Variants in RALGAPB observed in about 807,000 individuals in gnomAD.
The protein encoded by RALGAPB is Ral GTPase activating protein non-catalytic subunit beta, also known as ral GTPase-activating protein subunit beta.
In RALGAPB, 25 loss-of-function variants were observed where a neutral mutation model predicts 161.1. The ratio of observed to expected loss-of-function variants is 0.16; its 90% confidence interval spans 0.11 to 0.22. The LOEUF (loss-of-function observed/expected upper bound fraction) is 0.22. Among genes scored for constraint, RALGAPB ranks in the 10% least tolerant of loss-of-function variants. The probability of loss-of-function intolerance (pLI) is 1.00; values close to 1 mark genes in which losing one functional copy is unlikely to be tolerated. For missense variants in RALGAPB, 1,391 were observed against 1,815.2 expected, an observed-to-expected ratio of 0.77 and a Z score of 4.25; for synonymous variants, 629 against 626.1, an observed-to-expected ratio of 1.00 and a Z score of -0.07.
intron 1 of RALGAPB, among the ~76,000 whole-genome samples, chr20:38,475,914 G>A (rs1187249298): frequency 2.6e-5 from 4 of 152,138 alleles, no homozygotes; most frequent in Non-Finnish European, 5.9e-5. Flanking sequence ...ACCGTCCCCA[G>A]CCCATAAAAT....
intron 16 of RALGAPB, among the ~76,000 whole-genome samples, chr20:38,535,749 T>C (rs1009672375): frequency 6.6e-6 from 1 of 152,182 alleles, no homozygotes; most frequent in African/African-American, 2.4e-5. Flanking sequence ...CACAGCCAGC[T>C]AATTTTTGTG....
intron 5 of RALGAPB, among the ~76,000 whole-genome samples, chr20:38,504,731 A>G (rs1448265103): frequency 6.6e-6 from 1 of 152,240 alleles, no homozygotes; most frequent in Non-Finnish European, 1.5e-5. Context: ...GCAATTGAAC[A>G]AGCAAAAAAC....
intron 28 of RALGAPB, among the ~76,000 whole-genome samples, chr20:38,571,159 A>G (rs1440119826): frequency 6.6e-6 from 1 of 152,150 alleles, no homozygotes. Context: ...ATTCCTGAAC[A>G]CTTCTACCAT....
intron 2 of RALGAPB, among the ~76,000 whole-genome samples, chr20:38,490,564 T>C (rs1274917327): frequency 6.6e-6 from 1 of 150,880 alleles, no homozygotes; most frequent in East Asian, 2.0e-4. Context: ...TGGAGTGCAA[T>C]GTCGCAATCT....
At chr20:38,547,079 T>C (rs2087191545) in intron 19 of RALGAPB, 1 of 152,430 alleles carries the variant, frequency 6.6e-6, no homozygotes, top group African/African-American at 2.4e-5. Flanking sequence ...AGTATTCATC[T>C]TCAACCACAA....
chr20:38,481,460 G>A (rs1344278025), intron 1 of RALGAPB, among the ~76,000 whole-genome samples: 6 of 152,148 alleles, frequency 3.9e-5, no homozygotes, highest in South Asian at 2.1e-4. Context: ...TGTGGATGAC[G>A]GCAGGCCAAG....
chr20:38,566,331 A>G (rs919327407), intron 25 of RALGAPB, among the ~76,000 whole-genome samples: 2 of 152,162 alleles, frequency 1.3e-5, no homozygotes, highest in African/African-American at 4.8e-5. Context: ...CTTCCCGTCA[A>G]GGTTCTGGTT....
chr20:38,499,256 T>A (rs1325048301), intron 4 of RALGAPB, among the ~76,000 whole-genome samples, 191 bp from the exon 5 acceptor site: 1 of 152,216 alleles, frequency 6.6e-6, no homozygotes. Flanking sequence ...AATTTTTTGA[T>A]GTGTCTGTGA....
rs560314817 is a variant in RALGAPB at position 38,575,139 on chromosome 20, A to C, written c.*172A>C. On this transcript the variant is annotated 3_prime_UTR_variant, in exon 30 of 30. Coordinates refer to ENST00000262879, the MANE Select transcript of RALGAPB (RefSeq NM_020336.4). The stretch of plus-strand genomic sequence containing the variant: ...CCCATTTGATAGAAGACTTTGGGCT[A>C]TCTAGTGAAATGGGCTCCCAGACAC... 38 of 599,470 alleles carry C rather than the reference A, an allele frequency of 6.3e-5. 1 individual carries two copies. The South Asian group carries it at 6.5e-4, about 10-fold the overall frequency. 37.1% of individuals were successfully genotyped at this position (599,470 alleles called of 1,614,324 possible).
At chr20:38,573,567 C>A (rs73905646) in intron 28 of RALGAPB, 3 of 152,110 alleles carry the variant, frequency 2.0e-5, no homozygotes, top group Admixed American at 6.5e-5. Context: ...TGCCACAGTG[C>A]GGCCATTTAT....
intron 20 of RALGAPB, among the ~76,000 whole-genome samples, chr20:38,550,123 A>G (rs1329914738): frequency 6.6e-6 from 1 of 152,198 alleles, no homozygotes; most frequent in Admixed American, 6.5e-5. Flanking sequence ...GAGGGGGAAC[A>G]TCACACTCTG....
In RALGAPB at chr20:38,542,065, G is replaced by A. The variant is rs2086988661; in HGVS notation, c.2714+873G>A. 3.9e-5 allele frequency among the ~76,000 whole-genome samples: 6 copies of A among 152,196 alleles called. No homozygotes were observed. The South Asian group carries it at 6.2e-4, about 16-fold the overall frequency. ...ATACTGGAAAGAGGGAAGGAAGGCAGCTTAGCCACATTTGTGGACTGAATG... is the reference window on the plus strand; with the variant it reads ...ATACTGGAAAGAGGGAAGGAAGGCAACTTAGCCACATTTGTGGACTGAATG... On this transcript the variant is annotated intron_variant, in intron 18 of 29. Coordinates refer to ENST00000262879, the MANE Select transcript of RALGAPB (RefSeq NM_020336.4).
intron 19 of RALGAPB, chr20:38,546,735 G>A (rs1034492067): frequency 3.2e-5 from 10 of 312,540 alleles, no homozygotes; most frequent in African/African-American, 1.3e-4. Flanking sequence ...CTTGAACTTC[G>A]GATCCTGCCC....
intron 1 of RALGAPB, among the ~76,000 whole-genome samples, chr20:38,484,411 C>G (rs958201238): frequency 6.6e-6 from 1 of 152,212 alleles, no homozygotes; most frequent in Non-Finnish European, 1.5e-5. Context: ...AAAGTATACA[C>G]TTCACTATCC....
At chr20:38,521,821 G>A (rs767947858) in intron 10 of RALGAPB, 123 bp downstream of exon 10, 7 of 976,586 alleles carry the variant, frequency 7.2e-6, no homozygotes, top group East Asian at 5.1e-5. Flanking sequence ...GTAAGTGATC[G>A]ACATTTGCCT....
chr20:38,486,047 G>T lies in RALGAPB; in HGVS notation c.-30-2356G>T, dbSNP rs1470102115. ...TGCAATGGCACCATCTCTGCTCACT[G>T]CAGCCTCCACCTCCCGGTTTCACGT... On this transcript the variant is annotated intron_variant, in intron 1 of 29. Transcript: ENST00000262879. Among the ~76,000 whole-genome samples the T allele has an allele frequency of 2.3e-5, 3 of 131,284 alleles. No homozygotes were observed. The East Asian group carries it at 6.8e-4, about 30-fold the overall frequency. The allele number at this position is 131,284 out of a possible 152,430, so 86.1% of individuals were successfully genotyped here.
chr20:38,503,571 G>A (rs977470414), intron 5 of RALGAPB, among the ~76,000 whole-genome samples: 3 of 152,186 alleles, frequency 2.0e-5, no homozygotes, highest in Non-Finnish European at 2.9e-5. Context: ...TTATGGATGA[G>A]CAAAGAGTTT....
At chr20:38,548,614 C>T (rs2145424644) in intron 19 of RALGAPB, 75 bp from the exon 20 acceptor site, 3 of 1,145,950 alleles carry the variant, frequency 2.6e-6, no homozygotes, top group Non-Finnish European at 3.8e-6. Flanking sequence ...ATGAGAAGCT[C>T]TGCAGTTGAT....
chr20:38,508,034 AAACT>A (rs1036330865), intron 5 of RALGAPB, among the ~76,000 whole-genome samples: 12 of 151,714 alleles, frequency 7.9e-5, no homozygotes, highest in Admixed American at 5.9e-4. Context: ...ACTTCATGTA[AAACT>A]ATTATAACTT....
Sources: gnomAD v4.1 joint callset for allele counts (sites outside exome capture counted in the v4.1 genomes callset) on GRCh38, gnomAD v4.1.1 for gene constraint, MANE v1.5 for transcripts, NCBI Gene and HGNC (gene_info 2026-07-23, HGNC 2026-07-21) for gene names.